Variants in PRRC2C observed in about 807,000 individuals in gnomAD.
The protein encoded by PRRC2C is protein PRRC2C.
Under a neutral mutation model 317.2 loss-of-function variants are expected in PRRC2C, and 72 were observed. The ratio of observed to expected loss-of-function variants is 0.23; its 90% CI spans 0.19 to 0.28. The LOEUF (loss-of-function observed/expected upper bound fraction) is 0.28. Ranked by LOEUF, PRRC2C falls within the 10% of genes least tolerant of loss-of-function variation. The pLI is 1.00. For synonymous variants in PRRC2C, 1,296 were observed against 1,205.9 expected (o/e 1.07, Z -1.55); for missense variants, 3,074 against 3,459.7 (o/e 0.89, Z 2.80).
At position 171,584,145 on chromosome 1, in the gene PRRC2C, A is replaced by G; in HGVS notation, c.7599A>G (p.Ser2533=). ...ILYEHQLGQA[S]GLGGSQLIDT... is the part of the protein sequence containing the mutation. ...ATGAACATCAACTGGGGCAGGCATC[A>G]GGACTAGGAGGTTCCCAGCTGATTG... Residue 2533 remains serine, a synonymous_variant, in exon 29 of 35, where the codon TCA becomes TCG. Coordinates refer to ENST00000647382, the MANE Select transcript of PRRC2C (RefSeq NM_001387844.1). 1 of 1,614,000 alleles carries G rather than the reference A, an allele frequency of 6.2e-7. No homozygotes were observed. The highest frequency in any genetic ancestry group is 8.5e-7 in the Non-Finnish European group (1 of 1,179,846).
chr1:171,530,120 C>T (rs907515437), intron 11 of PRRC2C, among the ~76,000 whole-genome samples: 1 of 151,994 alleles, frequency 6.6e-6, no homozygotes, highest in African/African-American at 2.4e-5. Flanking sequence ...AAGACCTTGG[C>T]CACGAATTAG....
At position 171,592,842 on chromosome 1, in the gene PRRC2C, T is replaced by G. The variant is rs1651682324; in HGVS notation, c.*995T>G. On this transcript the variant is annotated 3_prime_UTR_variant, in exon 35 of 35. Coordinates refer to ENST00000647382, the MANE Select transcript of PRRC2C (RefSeq NM_001387844.1). Reference sequence around the variant, plus strand: ...CTGTGTCATGCCATCCTTTGGGCCCTCTGCTGGAAAAGTAGAATCAAGTCT... The same window carrying G: ...CTGTGTCATGCCATCCTTTGGGCCCGCTGCTGGAAAAGTAGAATCAAGTCT... 6.6e-6 allele frequency: 1 copy of G among 152,238 alleles called. No individual in the cohort carries two copies. Among genetic ancestry groups the G allele is most frequent in the African/African-American group, 2.4e-5 (1 of 41,440 alleles). 9.4% of individuals were successfully genotyped at this position (152,238 alleles called of 1,614,324 possible). A position where few individuals can be genotyped will look rare whatever the true frequency, so the allele number is the denominator to read the frequency against.
intron 28 of PRRC2C, 114 bp downstream of exon 28, chr1:171,580,078 T>TA: frequency 2.2e-6 from 2 of 924,826 alleles, no homozygotes; most frequent in Non-Finnish European, 2.9e-6. Flanking sequence ...GACTCTGCTA[T>TA]AAACTACATT....
At chr1:171,580,342 G>A (rs1648244541) in intron 28 of PRRC2C, among the ~76,000 whole-genome samples, 1 of 152,156 alleles carries the variant, frequency 6.6e-6, no homozygotes. Flanking sequence ...TCATGTTAGG[G>A]GGTGCAGGGC....
In PRRC2C at chr1:171,532,780, A is replaced by C; in HGVS notation, c.1692A>C (p.Glu564Asp). ...AAATGGAGAAAGAAAGAAAGCAAGA[A>C]AAAGAAAAAGAACTAGAACGGCAGA... ...QREMEKERKQ[E>D]KEKELERQKE... Residue 564 changes from glutamate to aspartate, a missense_variant, in exon 12 of 35, where the codon GAA (glutamate) becomes GAC (aspartate). Coordinates refer to ENST00000647382, the MANE Select transcript of PRRC2C (RefSeq NM_001387844.1). 1 of 1,538,634 alleles carries C rather than the reference A, an allele frequency of 6.5e-7. No homozygotes were observed. The highest frequency in any genetic ancestry group is 8.7e-7 in the Non-Finnish European group (1 of 1,146,820).
chr1:171,591,888 A>AC lies in PRRC2C; in HGVS notation c.*41_*42insC. On this transcript the variant is annotated 3_prime_UTR_variant, in exon 35 of 35. Coordinates refer to ENST00000647382, the MANE Select transcript of PRRC2C (RefSeq NM_001387844.1). The stretch of plus-strand genomic sequence containing the variant: ...GCAGGGGATTGGGAGGGGGGCGGGA[A>AC]AACATGGAGAATTAAGTCAGATAAT... 3.1e-6 allele frequency: 2 copies of AC among 635,166 alleles called. No homozygotes were observed. The highest frequency in any genetic ancestry group is 5.5e-6 in the Non-Finnish European group (2 of 363,830). The allele number at this position is 635,166 out of a possible 1,614,324, so 39.3% of individuals were successfully genotyped here.
chr1:171,523,475 C>T lies in PRRC2C; in HGVS notation c.1008C>T (p.Phe336=). 1 of 1,612,510 alleles carries T rather than the reference C, an allele frequency of 6.2e-7. No homozygotes were observed. The highest frequency in any genetic ancestry group is 8.5e-7 in the Non-Finnish European group (1 of 1,179,658). ...MEVDYTEQLN[F]SDDDEQGSNS... ...TAGATTATACAGAGCAACTGAATTT[C>T]AGTGATGATGATGAACAAGGAAGTA... The change falls in exon 9 of 35, where the codon TTC becomes TTT. Residue 336 remains phenylalanine (F), a synonymous_variant. Coordinates refer to ENST00000647382, the MANE Select transcript of PRRC2C (RefSeq NM_001387844.1).
intron 1 of PRRC2C, among the ~76,000 whole-genome samples, chr1:171,506,664 T>G (rs1670291442): frequency 6.8e-6 from 1 of 148,118 alleles, no homozygotes; most frequent in African/African-American, 2.5e-5. Context: ...TATTGATGGC[T>G]TCAGATTCAC....
intron 19 of PRRC2C, 113 bp from the exon 20 acceptor site, chr1:171,560,905 T>C: frequency 1.2e-6 from 1 of 845,472 alleles, no homozygotes; most frequent in East Asian, 2.4e-5. Context: ...GTGATTGTTT[T>C]ATTCCCTGGC....
chr1:171,560,207 G>A (rs1682388491), intron 19 of PRRC2C, among the ~76,000 whole-genome samples: 2 of 152,172 alleles, frequency 1.3e-5, no homozygotes, highest in African/African-American at 4.8e-5. Context: ...CATTAACAGG[G>A]GTTTGGAAGA....
intron 1 of PRRC2C, among the ~76,000 whole-genome samples, chr1:171,491,102 G>A (rs1385942780): frequency 6.6e-6 from 1 of 152,068 alleles, no homozygotes; most frequent in East Asian, 1.9e-4. Flanking sequence ...GCAGAAAAGA[G>A]AACCACGAAA....
At position 171,559,505 on chromosome 1, in the gene PRRC2C, G is replaced by GTTTTTT. The variant is rs1236663155; in HGVS notation, c.6031+1365_6031+1366insTTTTTT. Among the ~76,000 whole-genome samples, 210 of 95,130 alleles carry GTTTTTT rather than the reference G, an allele frequency of 2.2e-3. 76 individuals are homozygous for GTTTTTT. Among genetic ancestry groups the GTTTTTT allele is most frequent in the African/African-American group, 4.3e-3 (106 of 24,882 alleles). The allele number at this position is 95,130 out of a possible 152,430, so 62.4% of individuals were successfully genotyped here. On this transcript the variant is annotated intron_variant, in intron 19 of 34. Coordinates refer to ENST00000647382, the MANE Select transcript of PRRC2C (RefSeq NM_001387844.1). The stretch of plus-strand genomic sequence containing the variant: ...ATCTGTTTACAAAATGGCATACCAA[G>GTTTTTT]TTTGTTTTTTTTTTTTTTTTTTTTT...
In PRRC2C at chr1:171,523,152, A is replaced by G. The variant is rs559806034; in HGVS notation, c.834-69A>G. On this transcript the variant is annotated intron_variant, in intron 7 of 34. Transcript: ENST00000647382. ...TAATGTTGAAATGAACTAAATTCCA[A>G]TCTTTTAGTATTCTCCCAGTTTAGT... 55 of 1,377,984 alleles carry G rather than the reference A, an allele frequency of 4.0e-5. No homozygotes were observed. In the South Asian group the frequency reaches 7.1e-4, roughly 18 times the overall value. 85.4% of individuals were successfully genotyped at this position (1,377,984 alleles called of 1,614,324 possible).
At chr1:171,503,584 G>A (rs368145316) in intron 1 of PRRC2C, among the ~76,000 whole-genome samples, 39 of 151,450 alleles carry the variant, frequency 2.6e-4, no homozygotes, top group African/African-American at 9.4e-4. Flanking sequence ...TTTCATTTCC[G>A]GTTCTTTAAT....
intron 1 of PRRC2C, among the ~76,000 whole-genome samples, chr1:171,494,026 G>C (rs1667666117): frequency 6.6e-6 from 1 of 152,148 alleles, no homozygotes; most frequent in Non-Finnish European, 1.5e-5. Flanking sequence ...TTTGCCTGTG[G>C]TCACCTAGCT....
At chr1:171,512,921 T>G (rs1040985691) in intron 2 of PRRC2C, 74 bp from the exon 3 acceptor site, 61 of 1,341,346 alleles carry the variant, frequency 4.5e-5, no homozygotes, top group Non-Finnish European at 5.9e-5. Context: ...TCCTATTGTT[T>G]TTCTATATTG....
chr1:171,571,325 C>A lies in PRRC2C; in HGVS notation c.6657C>A (p.Pro2219=). 6.2e-7 allele frequency: 1 copy of A among 1,602,924 alleles called. No homozygotes were observed. The highest frequency in any genetic ancestry group is 8.5e-7 in the Non-Finnish European group (1 of 1,170,196). Reference sequence around the variant, plus strand: ...TGTGTTGCCTACCTTTTCAGGTGCCCCTGCCCAACACCCTTCCCCTCCCTA... The same window carrying A: ...TGTGTTGCCTACCTTTTCAGGTGCCACTGCCCAACACCCTTCCCCTCCCTA... ...KMEDTLVNNV[P]LPNTLPLPKR... Residue 2219 remains proline, a synonymous_variant, in exon 24 of 35, where the codon CCC becomes CCA. Transcript: ENST00000647382.
At chr1:171,539,003 G>A (rs1358084112) in intron 15 of PRRC2C, among the ~76,000 whole-genome samples, 2 of 147,106 alleles carry the variant, frequency 1.4e-5, no homozygotes, top group African/African-American at 2.5e-5. Flanking sequence ...ACCGCTTCAG[G>A]CCCATTTTTT....
chr1:171,565,289 C>T (rs947362183), intron 20 of PRRC2C, among the ~76,000 whole-genome samples: 10 of 152,180 alleles, frequency 6.6e-5, no homozygotes, highest in African/African-American at 2.4e-4. Flanking sequence ...TCTCTGTCTA[C>T]CAGTCTAGTA....
Sources: allele counts gnomAD v4.1 joint callset (sites outside exome capture counted in the v4.1 genomes callset), GRCh38; gene constraint gnomAD v4.1.1; transcripts MANE v1.5; gene names NCBI Gene and HGNC (gene_info 2026-07-23, HGNC 2026-07-21).